Variants in CXXC1 observed in about 807,000 individuals in gnomAD.
CXXC1 encodes the protein CXXC-type zinc finger protein 1.
CXXC1 carries 21 observed loss-of-function variants against 83.6 expected under a neutral mutation model. The observed-to-expected ratio is 0.25, with a 90% confidence interval of 0.18 to 0.36. The LOEUF (loss-of-function observed/expected upper bound fraction) is 0.36, where lower values mean the gene tolerates loss of function less well. CXXC1 is among the 10% of genes least tolerant of loss of function. The probability of loss-of-function intolerance (pLI) is 1.00; values close to 1 mark genes in which losing one functional copy is unlikely to be tolerated. For synonymous variants in CXXC1, 371 were observed against 337.5 expected (o/e 1.10, Z -1.09); for missense variants, 688 against 919.5 (o/e 0.75, Z 3.26).
In CXXC1 at chr18:50,285,650, C is replaced by A; in HGVS notation, c.639+99G>T. ...CCCACCTGTCAGGATACAGTCAGGC[C>A]CAATCCCACCTGGTTTATCCATGCC... On this transcript the variant is annotated intron_variant, in intron 5 of 14. Transcript: ENST00000285106. This position sits in a 1 kb window ranked among gnomAD's most constrained non-coding sequence, Gnocchi z 4.4. 6.9e-7 allele frequency: 1 copy of A among 1,443,170 alleles called. No individual in the cohort carries two copies. The highest frequency in any genetic ancestry group is 9.5e-7 in the Non-Finnish European group (1 of 1,055,064). 89.4% of individuals were successfully genotyped at this position (1,443,170 alleles called of 1,614,324 possible).
In CXXC1 at chr18:50,282,831, A is replaced by C. The variant is rs779051760; in HGVS notation, c.1824+23T>G. 3.1e-6 allele frequency: 5 copies of C among 1,613,598 alleles called. No homozygotes were observed. The Admixed American group carries it at 8.3e-5, about 27-fold the overall frequency. ...GACATGGAAACCTACCACATGCAGC[A>C]CCAAAACCGCACAGAAACCTACCAC... is the stretch of plus-strand genomic sequence containing the variant. On this transcript the variant is annotated intron_variant, in intron 14 of 14. Coordinates refer to ENST00000285106, the MANE Select transcript of CXXC1 (RefSeq NM_014593.4). This position sits in a 1 kb window ranked among gnomAD's most constrained non-coding sequence, Gnocchi z 5.8.
intron 1 of CXXC1, 88 bp downstream of exon 1, chr18:50,287,499 C>T: frequency 6.6e-7 from 1 of 1,511,622 alleles, no homozygotes; most frequent in South Asian, 1.1e-5. Flanking sequence ...TTATGGCTCA[C>T]CACAGACCCC....
At chr18:50,283,117 G>T in intron 13 of CXXC1, 111 bp from the exon 14 acceptor site, 1 of 1,350,538 alleles carries the variant, frequency 7.4e-7, no homozygotes, top group Non-Finnish European at 1.0e-6. Flanking sequence ...CGGTGAGGAG[G>T]CATGGAAAAG....
chr18:50,285,947 A>G lies in CXXC1; in HGVS notation c.460-19T>C, dbSNP rs755496615. Reference sequence around the variant, plus strand: ...GGTGATGCTGCAGGAGGGGGCCCAGAACAGAAATCATGGACCCAGGCAGGG... The same window carrying G: ...GGTGATGCTGCAGGAGGGGGCCCAGGACAGAAATCATGGACCCAGGCAGGG... On this transcript the variant is annotated intron_variant, in intron 4 of 14. Coordinates refer to ENST00000285106, the MANE Select transcript of CXXC1 (RefSeq NM_014593.4). This position sits in a 1 kb window ranked among gnomAD's most constrained non-coding sequence, Gnocchi z 4.4. 1.9e-6 allele frequency: 3 copies of G among 1,613,936 alleles called. No homozygotes were observed. The highest frequency in any genetic ancestry group is 2.5e-6 in the Non-Finnish European group (3 of 1,179,998).
At position 50,284,785 on chromosome 18, in the gene CXXC1, T is replaced by C; in HGVS notation, c.967A>G (p.Arg323Gly). 1 of 1,614,158 alleles carries C rather than the reference T, an allele frequency of 6.2e-7. No individual in the cohort carries two copies. The highest frequency in any genetic ancestry group is 8.5e-7 in the Non-Finnish European group (1 of 1,180,036). ...SPFLDPALRK[R>G]AVKVKHVKRR... ...TTCACATGCTTCACTTTCACTGCCC[T>C]CTTCCGCAGCGCGGGGTCCAGGAAT... is the stretch of plus-strand genomic sequence containing the variant. The change falls in exon 8 of 15, where the codon AGG (arginine) becomes GGG (glycine). Residue 323 changes from arginine (R) to glycine (G), a missense_variant. Arg to Gly is a moderately radical substitution (Grantham distance 125). Transcript: ENST00000285106.
Position 50,286,029 on chromosome 18 carries a change from G to C in CXXC1, c.452C>G (p.Pro151Arg). The change falls in exon 4 of 15, where the codon CCC (proline) becomes CGC (arginine). Residue 151 changes from proline to arginine, a missense_variant. Coordinates refer to ENST00000285106, the MANE Select transcript of CXXC1 (RefSeq NM_014593.4). Reference protein sequence around the residue: ...KSSPQPLVATPSQHHQQQQQQ... With the variant: ...KSSPQPLVATRSQHHQQQQQQ... ...CTTTATGCAGCCACTCACCTGGCTG[G>C]GTGTGGCCACCAAGGGCTGCGGAGA... The C allele has an allele frequency of 6.2e-7, 1 of 1,613,696 alleles. No individual in the cohort carries two copies. The highest frequency in any genetic ancestry group is 1.3e-5 in the African/African-American group (1 of 75,032).
rs1467478350 is a variant in CXXC1, at chr18:50,283,633, GACA to G, written c.1524+69_1525-70del. The stretch of plus-strand genomic sequence containing the variant: ...GCATGCCCTCCCAAGACACCACCCA[GACA>G]ACAAATCTGTCCCCCACTGGCCCAC... On this transcript the variant is annotated intron_variant, in intron 11 of 14. Coordinates refer to ENST00000285106, the MANE Select transcript of CXXC1 (RefSeq NM_014593.4). 2.5e-6 allele frequency: 4 copies of G among 1,609,098 alleles called. No individual in the cohort carries two copies. The African/African-American group carries it at 5.3e-5, about 22-fold the overall frequency.
In CXXC1 at chr18:50,285,121, T is replaced by C. The variant is rs2149298677; in HGVS notation, c.793A>G (p.Thr265Ala). The change falls in exon 7 of 15, where the codon ACA becomes GCA. Residue 265 changes from threonine (T) to alanine (A), a missense_variant. Around this residue, in one of 9 missense-constraint regions of CXXC1, gnomAD observed 190 missense variants for 199.7 expected, o/e 0.95. Transcript: ENST00000285106. The surrounding 1 kb of genome is among the most constrained non-coding windows in gnomAD (Gnocchi z 4.4). Reference protein sequence around the residue: ...REDEGAVASSTVKEPPEATAT... With the variant: ...REDEGAVASSAVKEPPEATAT... Reference sequence around the variant, plus strand: ...GTAGCCTCAGGAGGCTCCTTGACTGTTGATGACGCCACTGCCCCCTCATCT... The same window carrying C: ...GTAGCCTCAGGAGGCTCCTTGACTGCTGATGACGCCACTGCCCCCTCATCT... 1 of 1,614,212 alleles carries C rather than the reference T, an allele frequency of 6.2e-7. No homozygotes were observed. The highest frequency in any genetic ancestry group is 8.5e-7 in the Non-Finnish European group (1 of 1,180,032).
rs751153972 is a variant in CXXC1, at chr18:50,285,094, C to T, written c.820G>A (p.Ala274Thr). 10 of 1,614,110 alleles carry T rather than the reference C, an allele frequency of 6.2e-6. No homozygotes were observed. The highest frequency in any genetic ancestry group is 8.5e-6 in the Non-Finnish European group (10 of 1,180,054). ...STVKEPPEAT[A>T]TPEPLSDEDL... The stretch of plus-strand genomic sequence containing the variant: ...TCATCTGAGAGTGGCTCAGGTGTGG[C>T]TGTAGCCTCAGGAGGCTCCTTGACT... Residue 274 changes from alanine (A) to threonine (T), a missense_variant, in exon 7 of 15, where the codon GCC becomes ACC. By Grantham distance (58) the Ala-to-Thr change is moderately conservative. This residue lies in a region of CXXC1 where 190 missense variants were observed against 199.7 expected (regional missense o/e 0.95). Transcript: ENST00000285106. The surrounding 1 kb of genome is among the most constrained non-coding windows in gnomAD (Gnocchi z 4.4).
intron 13 of CXXC1, 65 bp downstream of exon 13, chr18:50,283,200 G>C: frequency 7.2e-7 from 1 of 1,388,108 alleles, no homozygotes; most frequent in South Asian, 1.2e-5. Flanking sequence ...GGAAGGAAGG[G>C]ATGAATGTGG....
chr18:50,287,025 T>A (rs1200233956), intron 1 of CXXC1, 167 bp from the exon 2 acceptor site: 4 of 606,626 alleles, frequency 6.6e-6, no homozygotes, highest in Non-Finnish European at 1.2e-5. Flanking sequence ...CCCCATCCCT[T>A]CCTCTGACAT....
rs1207397961 is a variant in CXXC1 at position 50,286,106 on chromosome 18, C to T, written c.375G>A (p.Gly125=). Residue 125 remains glycine (G), a synonymous_variant, in exon 4 of 15, where the codon GGG becomes GGA. Coordinates refer to ENST00000285106, the MANE Select transcript of CXXC1 (RefSeq NM_014593.4). The part of the protein sequence containing the change: ...DPDLQRRAGS[G]TGVGAMLARG... The stretch of plus-strand genomic sequence containing the variant: ...GAGCAAGCATGGCCCCAACCCCTGT[C>T]CCTGACCCTGCCCGGCGCTGCAGGT... 4 of 1,614,020 alleles carry T rather than the reference C, an allele frequency of 2.5e-6. No individual in the cohort carries two copies. The highest frequency in any genetic ancestry group is 3.4e-6 in the Non-Finnish European group (4 of 1,180,010).
rs1055585012 is a variant in CXXC1, at chr18:50,282,795, C to A, written c.1825-56G>T. ...GGAACACCTGCAGCCCCGCCTGCCCCGGCCACGTCCGACATGGAAACCTAC... is the reference window on the plus strand; with the variant it reads ...GGAACACCTGCAGCCCCGCCTGCCCAGGCCACGTCCGACATGGAAACCTAC... On this transcript the variant is annotated intron_variant, in intron 14 of 14. Transcript: ENST00000285106. This position sits in a 1 kb window ranked among gnomAD's most constrained non-coding sequence, Gnocchi z 5.8. The A allele has an allele frequency of 1.2e-6, 2 of 1,611,810 alleles. No individual in the cohort carries two copies. Among genetic ancestry groups the A allele is most frequent in the East Asian group, 2.2e-5 (1 of 44,804 alleles).
Position 50,284,602 on chromosome 18 carries a change from TCAGCCC to T in CXXC1, c.1021-46_1021-41del, listed in dbSNP as rs775742184. 1.7e-5 allele frequency: 27 copies of T among 1,583,434 alleles called. No individual in the cohort carries two copies. The East Asian group carries it at 6.1e-4, about 35-fold the overall frequency. ...AAGTCAGGTCAGGGTGGAGTCAAAG[TCAGCCC>T]CAGACCCCAGACCCTTGCTCCATTC... On this transcript the variant is annotated intron_variant, in intron 8 of 14. Coordinates refer to ENST00000285106, the MANE Select transcript of CXXC1 (RefSeq NM_014593.4).
Position 50,282,824 on chromosome 18 carries a change from A to G in CXXC1, c.1824+30T>C. The G allele has an allele frequency of 1.2e-6, 2 of 1,612,968 alleles. No homozygotes were observed. The highest frequency in any genetic ancestry group is 1.7e-6 in the Non-Finnish European group (2 of 1,179,048). ...CACGTCCGACATGGAAACCTACCAC[A>G]TGCAGCACCAAAACCGCACAGAAAC... On this transcript the variant is annotated intron_variant, in intron 14 of 14. Coordinates refer to ENST00000285106, the MANE Select transcript of CXXC1 (RefSeq NM_014593.4). The surrounding 1 kb of genome is among the most constrained non-coding windows in gnomAD (Gnocchi z 5.8).
At position 50,284,521 on chromosome 18, in the gene CXXC1, G is replaced by T; in HGVS notation, c.1062C>A (p.His354Gln). The stretch of plus-strand genomic sequence containing the variant: ...TCTCTGGGTGTTTCCATTTATCCTT[G>T]TGCTTCTGCTTCTGCCGATGCCGCT... ...RYKRHRQKQK[H>Q]KDKWKHPERA... Residue 354 changes from histidine (H) to glutamine (Q), a missense_variant, in exon 9 of 15, where the codon CAC (histidine) becomes CAA (glutamine). His to Gln is a conservative substitution (Grantham distance 24). This residue lies in a region of CXXC1 where 190 missense variants were observed against 199.7 expected (regional missense o/e 0.95). Transcript: ENST00000285106. 1 of 1,601,090 alleles carries T rather than the reference G, an allele frequency of 6.2e-7. No homozygotes were observed. Among genetic ancestry groups the T allele is most frequent in the Non-Finnish European group, 8.5e-7 (1 of 1,172,864 alleles).
rs374331799 is a variant in CXXC1 at position 50,284,574 on chromosome 18, G to A, written c.1021-12C>T. On this transcript the variant is annotated splice_polypyrimidine_tract_variant and intron_variant, in intron 8 of 14. Transcript: ENST00000285106. ...TATCGCTCCTCCTTCTGTTGAGCAA[G>A]ACAAGTCAGGTCAGGGTGGAGTCAA... 2.5e-6 allele frequency: 4 copies of A among 1,582,108 alleles called. No individual in the cohort carries two copies. Among genetic ancestry groups the A allele is most frequent in the Non-Finnish European group, 1.7e-6 (2 of 1,161,892 alleles).
chr18:50,284,963 C>G, intron 7 of CXXC1, 39 bp downstream of exon 7: 1 of 1,613,416 alleles, frequency 6.2e-7, no homozygotes, highest in Non-Finnish European at 8.5e-7. Context: ...GCTTCTGTAA[C>G]CTCCACCCTT....
chr18:50,286,725 C>G lies in CXXC1; in HGVS notation c.122+15G>C. 6.2e-7 allele frequency: 1 copy of G among 1,611,754 alleles called. No individual in the cohort carries two copies. The highest frequency in any genetic ancestry group is 8.5e-7 in the Non-Finnish European group (1 of 1,177,786). On this transcript the variant is annotated intron_variant, in intron 2 of 14. Coordinates refer to ENST00000285106, the MANE Select transcript of CXXC1 (RefSeq NM_014593.4). Reference sequence around the variant, plus strand: ...CCCTGCCAGTGTCAGCCCCGCCCATCTCTCCCGCGCTCACATCATGAAGCA... The same window carrying G: ...CCCTGCCAGTGTCAGCCCCGCCCATGTCTCCCGCGCTCACATCATGAAGCA...
Sources: gnomAD v4.1 joint callset for allele counts on GRCh38, gnomAD v4.1.1 for gene constraint, gnomAD v4.1.1 regional missense constraint, Gnocchi (gnomAD v3.1) non-coding constraint, MANE v1.5 for transcripts, NCBI Gene and HGNC (gene_info 2026-07-23, HGNC 2026-07-21) for gene names.